The following SRPRA variants were observed in gnomAD, a reference collection of about 807,000 sequenced individuals.
SRPRA encodes the protein SRP receptor subunit alpha.
In SRPRA, 30 loss-of-function variants were observed where a neutral mutation model predicts 61.1. The ratio of observed to expected loss-of-function variants is 0.49; its 90% confidence interval spans 0.37 to 0.67. SRPRA has a LOEUF of 0.67. Ranked by LOEUF, SRPRA falls within the 30% of genes least tolerant of loss-of-function variation. The pLI is 0.00. For missense variants in SRPRA, 759 were observed against 828.4 expected (o/e 0.92, Z 1.03); for synonymous variants, 324 against 299.7 (o/e 1.08, Z -0.84).
chr11:126,258,522 A>T (rs968443354), downstream of SRPRA, among the ~76,000 whole-genome samples: 1 of 152,232 alleles, frequency 6.6e-6, no homozygotes, highest in Non-Finnish European at 1.5e-5. Context: ...AGCTTCTTCC[A>T]TGGCTATGCT....
In SRPRA at chr11:126,266,809, G is replaced by A. The variant is rs1950817714; in HGVS notation, c.640C>T (p.Arg214Cys). 14 of 1,613,956 alleles carry A rather than the reference G, an allele frequency of 8.7e-6. No individual in the cohort carries two copies. The highest frequency in any genetic ancestry group is 2.2e-5 in the South Asian group (2 of 91,088). Reference sequence around the variant, plus strand: ...CCATGCTTCTGAATGAACTCCTCGCGCTTCCTGCGGATCAGCTCCTCTTTG... The same window carrying A: ...CCATGCTTCTGAATGAACTCCTCGCACTTCCTGCGGATCAGCTCCTCTTTG... ...LSKEELIRRKREEFIQKHGRG... is the reference protein window; with the variant it reads ...LSKEELIRRKCEEFIQKHGRG... Residue 214 changes from arginine to cysteine, a missense_variant, in exon 5 of 14, where the codon CGC becomes TGC. Coordinates refer to ENST00000332118, the MANE Select transcript of SRPRA (RefSeq NM_003139.4).
chr11:126,265,515 A>T lies in SRPRA; in HGVS notation c.1139-75T>A. ...CTCAAAAATGCCTAACACCTTTCTGAGCTAAGGGGACTAAAACAGTAAATT... is the reference window on the plus strand; with the variant it reads ...CTCAAAAATGCCTAACACCTTTCTGTGCTAAGGGGACTAAAACAGTAAATT... On this transcript the variant is annotated intron_variant, in intron 9 of 13. Coordinates refer to ENST00000332118, the MANE Select transcript of SRPRA (RefSeq NM_003139.4). The surrounding 1 kb of genome is among the most constrained non-coding windows in gnomAD (Gnocchi z 6.3). 1 of 1,506,426 alleles carries T rather than the reference A, an allele frequency of 6.6e-7. No individual in the cohort carries two copies. The highest frequency in any genetic ancestry group is 9.0e-7 in the Non-Finnish European group (1 of 1,112,252). The allele number at this position is 1,506,426 out of a possible 1,614,324, so 93.3% of individuals were successfully genotyped here.
the SRPRA span, among the ~76,000 whole-genome samples, chr11:126,253,470 C>T: frequency 2.0e-5 from 3 of 152,286 alleles, no homozygotes; most frequent in South Asian, 2.1e-4. The surrounding 1 kb of genome is among the most constrained non-coding windows in gnomAD (Gnocchi z 5.1). Context: ...GATTGTTCTT[C>T]GCTGGCAGCC....
chr11:126,253,652 C>G, the SRPRA span, among the ~76,000 whole-genome samples: 1 of 152,128 alleles, frequency 6.6e-6, no homozygotes, highest in African/African-American at 2.4e-5. The surrounding 1 kb of genome is among the most constrained non-coding windows in gnomAD (Gnocchi z 5.1). Context: ...ATTTTTTCTG[C>G]TGATTTTTGC....
At chr11:126,250,160 C>T in the SRPRA span, among the ~76,000 whole-genome samples, 6 of 150,464 alleles carry the variant, frequency 4.0e-5, no homozygotes, top group Non-Finnish European at 5.9e-5. This position sits in a 1 kb window ranked among gnomAD's most constrained non-coding sequence, Gnocchi z 5.1. Flanking sequence ...GACGCGATCT[C>T]GGCTCACTGC....
At chr11:126,250,851 C>T in the SRPRA span, 1 of 723,578 alleles carries the variant, frequency 1.4e-6, no homozygotes, top group South Asian at 2.2e-5. The surrounding 1 kb of genome is among the most constrained non-coding windows in gnomAD (Gnocchi z 5.1). Context: ...AAATTTTTTC[C>T]CTGGTTGGAG....
In SRPRA at chr11:126,266,779, C is replaced by T. The variant is rs762556974; in HGVS notation, c.670G>A (p.Gly224Ser). The change falls in exon 5 of 14, where the codon GGT (glycine) becomes AGT (serine). Residue 224 changes from glycine (G) to serine (S), a missense_variant. This residue lies in a region of SRPRA where 475 missense variants were observed against 462.5 expected (regional missense o/e 1.03). Transcript: ENST00000332118. ...REEFIQKHGR[G>S]MEKSNKSTKS... The stretch of plus-strand genomic sequence containing the variant: ...AGTGCTCACTTGGACTTCTCCATAC[C>T]CCTCCCATGCTTCTGAATGAACTCC... 7.4e-6 allele frequency: 12 copies of T among 1,613,984 alleles called. No homozygotes were observed. Among genetic ancestry groups the T allele is most frequent in the Non-Finnish European group, 1.0e-5 (12 of 1,179,982 alleles).
chr11:126,262,506 TG>T (rs1202536377), downstream of SRPRA: 1 of 280,042 alleles, frequency 3.6e-6, no homozygotes, highest in Non-Finnish European at 6.7e-6. Flanking sequence ...TGGCTCTTGT[TG>T]CAGTTTTGTA....
chr11:126,264,529 T>G lies in SRPRA; in HGVS notation c.1536A>C (p.Gln512His). The G allele has an allele frequency of 6.2e-7, 1 of 1,613,066 alleles. No individual in the cohort carries two copies. The highest frequency in any genetic ancestry group is 1.1e-5 in the South Asian group (1 of 91,022). ...AMEAIAFARNQGFDVVLVDTA... is the reference protein window; with the variant it reads ...AMEAIAFARNHGFDVVLVDTA... ...TGTCCACCAGCACCACGTCAAAGCC[T>G]TGGTTACGTGCTAGAGAAAGAAAGT... The change falls in exon 12 of 14, where the codon CAA becomes CAC. Residue 512 changes from glutamine (Q) to histidine (H), a missense_variant. Coordinates refer to ENST00000332118, the MANE Select transcript of SRPRA (RefSeq NM_003139.4). This position sits in a 1 kb window ranked among gnomAD's most constrained non-coding sequence, Gnocchi z 5.0.
At position 126,264,536 on chromosome 11, in the gene SRPRA, C is replaced by A. The variant is rs779075965; in HGVS notation, c.1529G>T (p.Arg510Leu). Residue 510 changes from arginine to leucine, a missense_variant, in exon 12 of 14, where the codon CGT (arginine) becomes CTT (leucine). This residue lies in a region of SRPRA where 284 missense variants were observed against 365.9 expected (regional missense o/e 0.78). Transcript: ENST00000332118. The surrounding 1 kb of genome is among the most constrained non-coding windows in gnomAD (Gnocchi z 5.0). ...CAGCACCACGTCAAAGCCTTGGTTA[C>A]GTGCTAGAGAAAGAAAGTAGTCAAC... is the stretch of plus-strand genomic sequence containing the variant. ...GIAMEAIAFA[R>L]NQGFDVVLVD... The A allele has an allele frequency of 1.7e-4, 270 of 1,612,514 alleles. No homozygotes were observed. Among genetic ancestry groups the A allele is most frequent in the Non-Finnish European group, 2.2e-4 (264 of 1,179,958 alleles).
chr11:126,265,683 G>C lies in SRPRA; in HGVS notation c.1138+54C>G. On this transcript the variant is annotated intron_variant, in intron 9 of 13. Coordinates refer to ENST00000332118, the MANE Select transcript of SRPRA (RefSeq NM_003139.4). This position sits in a 1 kb window ranked among gnomAD's most constrained non-coding sequence, Gnocchi z 6.3. The stretch of plus-strand genomic sequence containing the variant: ...AAGTCACATACCTAGTAAGAACTGA[G>C]GTCTATGCACTTAACCTACACATAA... 2 of 1,579,182 alleles carry C rather than the reference G, an allele frequency of 1.3e-6. No homozygotes were observed. Among genetic ancestry groups the C allele is most frequent in the African/African-American group, 1.3e-5 (1 of 74,368 alleles).
chr11:126,257,350 A>G, the SRPRA span, among the ~76,000 whole-genome samples: 2 of 152,242 alleles, frequency 1.3e-5, no homozygotes, highest in Non-Finnish European at 2.9e-5. Context: ...TGATTGCACA[A>G]TCACACAATT....
In SRPRA at chr11:126,264,333, A is replaced by G. The variant is rs1163733482; in HGVS notation, c.1689+43T>C. 2.5e-6 allele frequency: 4 copies of G among 1,613,398 alleles called. No homozygotes were observed. The South Asian group carries it at 4.4e-5, about 18-fold the overall frequency. Reference sequence around the variant, plus strand: ...AGAAGTGTAAGAACCATCTAAATTGACCAAAGCTCAAGTTGTAAAGGGAAC... The same window carrying G: ...AGAAGTGTAAGAACCATCTAAATTGGCCAAAGCTCAAGTTGTAAAGGGAAC... On this transcript the variant is annotated intron_variant, in intron 12 of 13. Coordinates refer to ENST00000332118, the MANE Select transcript of SRPRA (RefSeq NM_003139.4). The surrounding 1 kb of genome is among the most constrained non-coding windows in gnomAD (Gnocchi z 5.0).
chr11:126,248,617 G>A, the SRPRA span, among the ~76,000 whole-genome samples: 40 of 152,094 alleles, frequency 2.6e-4, no homozygotes, highest in East Asian at 7.4e-3. Context: ...TGATCCACCC[G>A]CCTTGGCCTC....
At chr11:126,236,910 A>T in the SRPRA span, among the ~76,000 whole-genome samples, 2 of 117,284 alleles carry the variant, frequency 1.7e-5, no homozygotes, top group African/African-American at 3.3e-5. Context: ...TTTATGTTTC[A>T]CAGATGCTTT....
the SRPRA span, among the ~76,000 whole-genome samples, chr11:126,247,988 G>GTA: frequency 1.1e-4 from 15 of 131,056 alleles, no homozygotes; most frequent in East Asian, 4.6e-4. Flanking sequence ...TATATATATT[G>GTA]TATATATATA....
the SRPRA span, among the ~76,000 whole-genome samples, chr11:126,246,997 CA>C: frequency 2.0e-5 from 3 of 152,206 alleles, no homozygotes; most frequent in Admixed American, 6.5e-5. Context: ...TATCTCTACA[CA>C]AATTTTAAAA....
chr11:126,253,962 T>G, the SRPRA span, among the ~76,000 whole-genome samples: 2 of 152,240 alleles, frequency 1.3e-5, no homozygotes, highest in Non-Finnish European at 2.9e-5. The surrounding 1 kb of genome is among the most constrained non-coding windows in gnomAD (Gnocchi z 5.1). Flanking sequence ...AGGGCCTGGA[T>G]ACAGAGGCTT....
chr11:126,267,457 T>G lies in SRPRA; in HGVS notation c.365+92A>C. On this transcript the variant is annotated intron_variant, in intron 3 of 13. Transcript: ENST00000332118. This position sits in a 1 kb window ranked among gnomAD's most constrained non-coding sequence, Gnocchi z 4.2. ...ACTGGGTAGCAAATTAGGAATGTCTTTGAACACATCAATTTACCACCTTTG... is the reference window on the plus strand; with the variant it reads ...ACTGGGTAGCAAATTAGGAATGTCTGTGAACACATCAATTTACCACCTTTG... 1.3e-6 allele frequency: 2 copies of G among 1,590,608 alleles called. No homozygotes were observed. Among genetic ancestry groups the G allele is most frequent in the Non-Finnish European group, 1.7e-6 (2 of 1,166,004 alleles).
Sources: gnomAD v4.1 joint callset for allele counts (sites outside exome capture counted in the v4.1 genomes callset) on GRCh38, gnomAD v4.1.1 for gene constraint, gnomAD v4.1.1 regional missense constraint, Gnocchi (gnomAD v3.1) non-coding constraint, MANE v1.5 for transcripts, NCBI Gene and HGNC (gene_info 2026-07-23, HGNC 2026-07-21) for gene names.